The following MACROD2 variants were observed in gnomAD, a reference collection of about 807,000 sequenced individuals.
The protein encoded by MACROD2 is mono-ADP ribosylhydrolase 2.
In MACROD2, 36 loss-of-function variants were observed where a neutral mutation model predicts 70.4. The observed-to-expected ratio is 0.51, with a 90% CI of 0.39 to 0.68. The LOEUF is 0.68. Ranked by LOEUF, MACROD2 falls within the 30% of genes least tolerant of loss-of-function variation. MACROD2 has a pLI of 0.00. For synonymous variants in MACROD2, 172 were observed against 178.8 expected (o/e 0.96, Z 0.30); for missense variants, 496 against 538.4 (o/e 0.92, Z 0.78).
intron 3 of MACROD2, among the ~76,000 whole-genome samples, chr20:14,240,104 A>G (rs1418103091): frequency 6.6e-6 from 1 of 152,354 alleles, no homozygotes; most frequent in African/African-American, 2.4e-5. Flanking sequence ...ATCACGAATC[A>G]TTAGAGAAAC....
intron 8 of MACROD2, among the ~76,000 whole-genome samples, chr20:15,536,853 G>A (rs1439936067): frequency 7.2e-5 from 11 of 152,130 alleles, no homozygotes. Context: ...AAGTGATCAT[G>A]TCACCTCTTG....
chr20:15,599,224 C>CAAA (rs74553658), intron 8 of MACROD2, among the ~76,000 whole-genome samples: 1 of 132,088 alleles, frequency 7.6e-6, no homozygotes. Flanking sequence ...TACTAAAATA[C>CAAA]AAAAAAAAAA....
At chr20:14,757,009 G>C (rs747401869) in intron 5 of MACROD2, among the ~76,000 whole-genome samples, 1 of 152,036 alleles carries the variant, frequency 6.6e-6, no homozygotes, top group African/African-American at 2.4e-5. Context: ...GGCCTCCCCA[G>C]CCATGCAGAA....
At position 13,995,747 on chromosome 20, in the gene MACROD2, G is replaced by A; in HGVS notation, c.-17G>A. The A allele has an allele frequency of 7.2e-7, 1 of 1,393,220 alleles. No homozygotes were observed. The highest frequency in any genetic ancestry group is 9.6e-7 in the Non-Finnish European group (1 of 1,040,802). 86.3% of individuals were successfully genotyped at this position (1,393,220 alleles called of 1,614,324 possible). A position where few individuals can be genotyped will look rare whatever the true frequency, so the allele number is the denominator to read the frequency against. On this transcript the variant is annotated 5_prime_UTR_variant, in exon 1 of 18. Coordinates refer to ENST00000684519, the MANE Select transcript of MACROD2 (RefSeq NM_001351661.2). This position sits in a 1 kb window ranked among gnomAD's most constrained non-coding sequence, Gnocchi z 4.3. Reference sequence around the variant, plus strand: ...CTGGGGAACTTGCAGCTTAAAGCCAGCCACCCCCACGGCAACATGTACCCC... The same window carrying A: ...CTGGGGAACTTGCAGCTTAAAGCCAACCACCCCCACGGCAACATGTACCCC...
At chr20:14,016,805 A>G (rs745722334) in intron 2 of MACROD2, among the ~76,000 whole-genome samples, 4 of 152,140 alleles carry the variant, frequency 2.6e-5, no homozygotes, top group Non-Finnish European at 5.9e-5. Flanking sequence ...GAGTCTTCCA[A>G]CTTTTTCTTT....
chr20:14,397,034 G>A (rs1320510089), intron 3 of MACROD2, among the ~76,000 whole-genome samples: 20 of 119,454 alleles, frequency 1.7e-4, no homozygotes, highest in Non-Finnish European at 2.9e-4. Flanking sequence ...TCGCTCTGTC[G>A]CCCAGGTTGG....
chr20:14,684,779 A>G (rs2070982387), intron 4 of MACROD2, 64 bp from the exon 5 acceptor site: 6 of 1,347,898 alleles, frequency 4.5e-6, no homozygotes, highest in Non-Finnish European at 6.4e-6. Flanking sequence ...TCCTCTTCCC[A>G]TCTTGAGCTT....
At chr20:15,798,142 T>C (rs1315992040) in intron 8 of MACROD2, among the ~76,000 whole-genome samples, 1 of 152,236 alleles carries the variant, frequency 6.6e-6, no homozygotes, top group Non-Finnish European at 1.5e-5. Context: ...GCATATTGTT[T>C]CAGTTATTGT....
At chr20:15,874,164 C>T (rs1329057639) in intron 9 of MACROD2, among the ~76,000 whole-genome samples, 5 of 148,958 alleles carry the variant, frequency 3.4e-5, no homozygotes, top group African/African-American at 1.2e-4. Context: ...GAACATGCAG[C>T]ATTTGGTTTT....
At chr20:14,513,396 C>T (rs2085052381) in intron 4 of MACROD2, among the ~76,000 whole-genome samples, 1 of 151,928 alleles carries the variant, frequency 6.6e-6, no homozygotes, top group Non-Finnish European at 1.5e-5. Context: ...CTAATAAAAC[C>T]CTAAAGCACT....
chr20:14,348,572 T>A (rs984410144), intron 3 of MACROD2, among the ~76,000 whole-genome samples: 2 of 152,134 alleles, frequency 1.3e-5, no homozygotes, highest in African/African-American at 4.8e-5. Flanking sequence ...AAAAAGAATT[T>A]CTTATCAGTT....
chr20:14,615,085 AG>A lies in MACROD2; in HGVS notation c.302-69757del, dbSNP rs1266074041. Among the ~76,000 whole-genome samples the A allele has an allele frequency of 3.9e-5, 6 of 152,064 alleles. No homozygotes were observed. The East Asian group carries it at 1.2e-3, about 29-fold the overall frequency. On this transcript the variant is annotated intron_variant, in intron 4 of 17. Transcript: ENST00000684519. The stretch of plus-strand genomic sequence containing the variant: ...TTAGGTTTTGATGCATTCCAAGTGA[AG>A]TTTTCAGCTAACCCCACAGGAGCTC...
In MACROD2 at chr20:15,662,288, G is replaced by C. The variant is rs150224923; in HGVS notation, c.645+162441G>C. ...CTACTGTATCAGTATCCCCGGGCAC[G>C]GGGTCTGGAAATATGGGCATTTAGC... On this transcript the variant is annotated intron_variant, in intron 8 of 17. Coordinates refer to ENST00000684519, the MANE Select transcript of MACROD2 (RefSeq NM_001351661.2). 3.2e-3 allele frequency among the ~76,000 whole-genome samples: 489 copies of C among 152,284 alleles called. 4 individuals carry two copies. Among genetic ancestry groups the C allele is most frequent in the African/African-American group, 9.6e-3 (398 of 41,556 alleles).
At chr20:14,575,013 G>A (rs1183903454) in intron 4 of MACROD2, among the ~76,000 whole-genome samples, 1 of 29,300 alleles carries the variant, frequency 3.4e-5, no homozygotes, top group African/African-American at 1.8e-4. Context: ...GCGAGACTCT[G>A]TCTCAAAAAA....
At chr20:15,296,715 A>AT (rs140213383) in intron 6 of MACROD2, among the ~76,000 whole-genome samples, 15,328 of 152,218 alleles carry the variant, frequency 0.1, 1,096 homozygotes, top group African/African-American at 0.2. Flanking sequence ...CTGGAAAGGA[A>AT]TTTGGTTGTT....
chr20:14,713,330 G>C (rs1285412063), intron 5 of MACROD2, among the ~76,000 whole-genome samples: 3 of 152,150 alleles, frequency 2.0e-5, no homozygotes, highest in Non-Finnish European at 4.4e-5. Flanking sequence ...CAGAATCTTA[G>C]AGAAATGAAG....
chr20:14,674,430 C>T (rs1459333034), intron 4 of MACROD2, among the ~76,000 whole-genome samples: 1 of 152,098 alleles, frequency 6.6e-6, no homozygotes, highest in Non-Finnish European at 1.5e-5. Context: ...TTATTGCATA[C>T]TTGCTGCGTG....
chr20:15,361,048 A>C (rs1214963254), intron 6 of MACROD2, among the ~76,000 whole-genome samples: 1 of 151,780 alleles, frequency 6.6e-6, no homozygotes, highest in African/African-American at 2.4e-5. Flanking sequence ...ACAGAGCAAA[A>C]ATTTTACATT....
At chr20:15,613,027 G>A (rs2048990671) in intron 8 of MACROD2, among the ~76,000 whole-genome samples, 1 of 152,044 alleles carries the variant, frequency 6.6e-6, no homozygotes, top group Admixed American at 6.5e-5. Flanking sequence ...TTTCCCTGTG[G>A]CAAAAAGGGA....
Sources: gnomAD v4.1 joint callset for allele counts (sites outside exome capture counted in the v4.1 genomes callset) on GRCh38, gnomAD v4.1.1 for gene constraint, Gnocchi (gnomAD v3.1) non-coding constraint, MANE v1.5 for transcripts, NCBI Gene and HGNC (gene_info 2026-07-23, HGNC 2026-07-21) for gene names.